The following RNF13 variants were observed in gnomAD, a reference collection of about 807,000 sequenced individuals.
The protein encoded by RNF13 is ring finger protein 13, also known as E3 ubiquitin-protein ligase RNF13.
Under a neutral mutation model 37.7 loss-of-function variants are expected in RNF13, and 19 were observed. The observed-to-expected ratio is 0.50, with a 90% CI of 0.35 to 0.74. RNF13 has a LOEUF of 0.74. Ranked by LOEUF, RNF13 falls within the 30% of genes least tolerant of loss-of-function variation. The pLI is 0.01. For synonymous variants in RNF13, 144 were observed against 157.8 expected, an observed-to-expected ratio of 0.91 and a Z score of 0.65; for missense variants, 375 against 453.0, an observed-to-expected ratio of 0.83 and a Z score of 1.56.
At chr3:149,936,663 A>G (rs989002151) in intron 8 of RNF13, among the ~76,000 whole-genome samples, 1 of 152,022 alleles carries the variant, frequency 6.6e-6, no homozygotes, top group African/African-American at 2.4e-5. Context: ...CAAAATTGCT[A>G]TTTTGAATTC....
chr3:149,827,305 T>C (rs1330052517), intron 1 of RNF13, among the ~76,000 whole-genome samples: 2 of 152,238 alleles, frequency 1.3e-5, no homozygotes, highest in Non-Finnish European at 2.9e-5. Flanking sequence ...GCAAATAGTA[T>C]ACCATCTGTG....
At chr3:149,919,244 C>T (rs1231883300) in intron 7 of RNF13, among the ~76,000 whole-genome samples, 4 of 152,158 alleles carry the variant, frequency 2.6e-5, no homozygotes, top group Admixed American at 6.6e-5. Flanking sequence ...ATCACTTATG[C>T]ATATGTATAT....
At chr3:149,894,161 G>GT (rs1715004598) in intron 4 of RNF13, among the ~76,000 whole-genome samples, 1 of 151,982 alleles carries the variant, frequency 6.6e-6, no homozygotes, top group East Asian at 1.9e-4. Flanking sequence ...TACAGATTTA[G>GT]TTTTTTTTAG....
intron 4 of RNF13, among the ~76,000 whole-genome samples, chr3:149,889,136 A>G (rs986707200): frequency 2.6e-5 from 4 of 151,594 alleles, no homozygotes; most frequent in Non-Finnish European, 5.9e-5. Flanking sequence ...ACGGGGTTTC[A>G]CCATGTTGGC....
intron 8 of RNF13, among the ~76,000 whole-genome samples, chr3:149,934,118 A>G (rs1366572967): frequency 6.6e-6 from 1 of 152,012 alleles, no homozygotes; most frequent in African/African-American, 2.4e-5. Flanking sequence ...ACAGGTGTAC[A>G]TGTCTATGAA....
At chr3:149,938,227 GA>G (rs1719897895) in intron 8 of RNF13, among the ~76,000 whole-genome samples, 1 of 151,676 alleles carries the variant, frequency 6.6e-6, no homozygotes, top group African/African-American at 2.4e-5. Flanking sequence ...GCCCAGGCTG[GA>G]GTGCAGTGGT....
chr3:149,899,907 A>G (rs1715647486), intron 5 of RNF13, among the ~76,000 whole-genome samples: 1 of 152,230 alleles, frequency 6.6e-6, no homozygotes, highest in Non-Finnish European at 1.5e-5. Context: ...AAATGGAGAT[A>G]TTGAATGGAC....
intron 5 of RNF13, among the ~76,000 whole-genome samples, chr3:149,896,049 C>A (rs1211893471): frequency 1.3e-5 from 2 of 152,110 alleles, no homozygotes; most frequent in Non-Finnish European, 2.9e-5. Context: ...TTTCTTTACT[C>A]TCTACTAATT....
rs184230633 is a variant in RNF13 at position 149,900,751 on chromosome 3, G to A, written c.410-1321G>A. On this transcript the variant is annotated intron_variant, in intron 5 of 9. Transcript: ENST00000392894. ...TATTGATCATGTTGATATAAAAATA[G>A]TGATTAAATATTTCTTGACTAATAT... 7.2e-5 allele frequency among the ~76,000 whole-genome samples: 11 copies of A among 152,162 alleles called. No individual in the cohort carries two copies. The East Asian group carries it at 2.1e-3, about 29-fold the overall frequency.
At chr3:149,840,179 C>T (rs1445063394) in intron 1 of RNF13, among the ~76,000 whole-genome samples, 3 of 152,106 alleles carry the variant, frequency 2.0e-5, no homozygotes, top group Admixed American at 6.5e-5. Context: ...TTTAGAGTGA[C>T]GAAGCTGATT....
At chr3:149,816,851 G>T (rs1024607132) in intron 1 of RNF13, among the ~76,000 whole-genome samples, 2 of 152,206 alleles carry the variant, frequency 1.3e-5, no homozygotes, top group Non-Finnish European at 2.9e-5. Context: ...AATTATAGTA[G>T]TTGAGGCAAG....
intron 8 of RNF13, among the ~76,000 whole-genome samples, chr3:149,945,569 G>GTGGTTCTCCCAT (rs1179034339): frequency 6.6e-6 from 1 of 152,180 alleles, no homozygotes; most frequent in African/African-American, 2.4e-5. Context: ...GAAGAGAGTA[G>GTGGTTCTCCCAT]TGGTTCTCCC....
chr3:149,854,729 A>G (rs1723479643), intron 3 of RNF13, among the ~76,000 whole-genome samples: 1 of 152,234 alleles, frequency 6.6e-6, no homozygotes, highest in South Asian at 2.1e-4. Flanking sequence ...TTACCTCACA[A>G]CATTTGGCCT....
At chr3:149,935,502 T>G (rs1210303026) in intron 8 of RNF13, among the ~76,000 whole-genome samples, 2 of 152,214 alleles carry the variant, frequency 1.3e-5, no homozygotes. Flanking sequence ...CAAATTTCTC[T>G]GGTAGTATGT....
At chr3:149,875,544 C>T (rs1712583657) in intron 4 of RNF13, among the ~76,000 whole-genome samples, 1 of 152,122 alleles carries the variant, frequency 6.6e-6, no homozygotes, top group South Asian at 2.1e-4. Flanking sequence ...AAGATAGCCA[C>T]GAAGGCAGCA....
intron 8 of RNF13, among the ~76,000 whole-genome samples, chr3:149,951,771 G>A (rs1389439990): frequency 6.6e-6 from 1 of 152,174 alleles, no homozygotes; most frequent in African/African-American, 2.4e-5. Context: ...CATGAATTCA[G>A]TTAGTTTTCA....
chr3:149,913,050 A>T (rs554629167), intron 7 of RNF13, among the ~76,000 whole-genome samples: 1 of 152,298 alleles, frequency 6.6e-6, no homozygotes, highest in African/African-American at 2.4e-5. Context: ...TAAAGAATAC[A>T]TATTTTCATA....
chr3:149,958,210 A>T (rs1271755408), intron 8 of RNF13, among the ~76,000 whole-genome samples: 1 of 152,182 alleles, frequency 6.6e-6, no homozygotes, highest in Non-Finnish European at 1.5e-5. Context: ...AAAATATATT[A>T]TCTATAGGTT....
chr3:149,846,838 A>G (rs960151294), intron 2 of RNF13, among the ~76,000 whole-genome samples: 2 of 152,206 alleles, frequency 1.3e-5, no homozygotes, highest in Non-Finnish European at 2.9e-5. Context: ...AAGAAATTCT[A>G]TAAGATGTTC....
Sources: gnomAD v4.1 joint callset for allele counts (sites outside exome capture counted in the v4.1 genomes callset) on GRCh38, gnomAD v4.1.1 for gene constraint, MANE v1.5 for transcripts, NCBI Gene and HGNC (gene_info 2026-07-23, HGNC 2026-07-21) for gene names.